SIPA1L2: variants seen among roughly 807,000 people sequenced by gnomAD.
SIPA1L2 encodes the protein signal induced proliferation associated 1 like 2.
A neutral mutation model predicts 163.9 loss-of-function variants in SIPA1L2; 56 were observed. That is an observed-to-expected ratio of 0.34 (90% CI 0.28 to 0.43). SIPA1L2 has a LOEUF of 0.43. Ranked by LOEUF, SIPA1L2 falls within the 20% of genes least tolerant of loss-of-function variation. The pLI is 1.00. For missense variants in SIPA1L2, 1,974 were observed against 2,193.5 expected (o/e 0.90, Z 2.00); for synonymous variants, 877 against 865.7 (o/e 1.01, Z -0.23).
chr1:232,566,005 G>C (rs1659381808), intron 2 of SIPA1L2, among the ~76,000 whole-genome samples: 1 of 152,200 alleles, frequency 6.6e-6, no homozygotes, highest in South Asian at 2.1e-4. Context: ...GCTCTTTCAA[G>C]TTGCCCTTAC....
chr1:232,467,525 C>G (rs1664587593), intron 8 of SIPA1L2, among the ~76,000 whole-genome samples: 1 of 152,178 alleles, frequency 6.6e-6, no homozygotes, highest in Non-Finnish European at 1.5e-5. Flanking sequence ...CCTGTTTGGA[C>G]TTGTGATTAG....
At chr1:232,402,337 A>G in intron 22 of SIPA1L2, 55 bp downstream of exon 22, 4 of 1,520,126 alleles carry the variant, frequency 2.6e-6, no homozygotes, top group Non-Finnish European at 2.7e-6. Context: ...TAGTAGTTAT[A>G]AGGGGCTGAT....
At position 232,513,839 on chromosome 1, in the gene SIPA1L2, C is replaced by T; in HGVS notation, c.1483+18G>A. 6.5e-7 allele frequency: 1 copy of T among 1,541,954 alleles called. No homozygotes were observed. The highest frequency in any genetic ancestry group is 8.7e-7 in the Non-Finnish European group (1 of 1,149,430). The stretch of plus-strand genomic sequence containing the variant: ...ACTACTCCCGAGACACATGCAAACG[C>T]CCATGGCTCTTCCTTACCTTTCCCA... On this transcript the variant is annotated intron_variant, in intron 3 of 22. Coordinates refer to ENST00000674635, the MANE Select transcript of SIPA1L2 (RefSeq NM_020808.5).
chr1:232,446,795 C>T (rs866452539), intron 10 of SIPA1L2, among the ~76,000 whole-genome samples: 11 of 152,266 alleles, frequency 7.2e-5, no homozygotes, highest in Non-Finnish European at 1.2e-4. Flanking sequence ...GTGCCTAGCA[C>T]TGGCTTGCCC....
At chr1:232,523,288 C>T (rs190252248) in intron 2 of SIPA1L2, among the ~76,000 whole-genome samples, 1 of 152,238 alleles carries the variant, frequency 6.6e-6, no homozygotes, top group East Asian at 1.9e-4. Context: ...AGAAGAACAG[C>T]TGTGAGTATT....
At chr1:232,538,886 G>C (rs1308413507) in intron 2 of SIPA1L2, among the ~76,000 whole-genome samples, 1 of 152,150 alleles carries the variant, frequency 6.6e-6, no homozygotes, top group African/African-American at 2.4e-5. Flanking sequence ...ATCTAAACCT[G>C]CAAGCGTATA....
intron 3 of SIPA1L2, among the ~76,000 whole-genome samples, chr1:232,494,061 T>C (rs1180693136): frequency 1.3e-5 from 2 of 152,218 alleles, no homozygotes; most frequent in African/African-American, 4.8e-5. Context: ...TTTTACCGAA[T>C]GAGGGCACCA....
chr1:232,490,963 C>G lies in SIPA1L2; in HGVS notation c.1717G>C (p.Val573Leu). 1 of 1,614,140 alleles carries G rather than the reference C, an allele frequency of 6.2e-7. No homozygotes were observed. Among genetic ancestry groups the G allele is most frequent in the Non-Finnish European group, 8.5e-7 (1 of 1,180,002 alleles). Residue 573 changes from valine (V) to leucine (L), a missense_variant, in exon 5 of 23, where the codon GTC (valine) becomes CTC (leucine). Val to Leu is a conservative substitution (Grantham distance 32, BLOSUM62 1). Around this residue, in one of 3 missense-constraint regions of SIPA1L2, gnomAD observed 288 missense variants for 418.9 expected, o/e 0.69. Coordinates refer to ENST00000674635, the MANE Select transcript of SIPA1L2 (RefSeq NM_020808.5). ...CACTGAATGCTCAGCTCTGGAATGA[C>G]GTATTCCAAAACTTCTTTGAGAGGT... Reference protein sequence around the residue: ...GLPLKEVLEYVIPELSIQCLR... With the variant: ...GLPLKEVLEYLIPELSIQCLR...
chr1:232,519,205 T>C (rs1480653092), intron 2 of SIPA1L2, among the ~76,000 whole-genome samples: 1 of 152,192 alleles, frequency 6.6e-6, no homozygotes, highest in Non-Finnish European at 1.5e-5. Flanking sequence ...CTTCTAATTG[T>C]ATACAAAGAA....
At chr1:232,424,318 C>G (rs1460715104) in intron 18 of SIPA1L2, among the ~76,000 whole-genome samples, 1 of 16,232 alleles carries the variant, frequency 6.2e-5, no homozygotes, top group African/African-American at 2.6e-4. Flanking sequence ...TTAAGTGAAG[C>G]TAACAAAAAA....
intron 2 of SIPA1L2, among the ~76,000 whole-genome samples, chr1:232,565,572 A>G (rs1371189230): frequency 1.3e-5 from 2 of 152,262 alleles, no homozygotes; most frequent in African/African-American, 4.8e-5. Flanking sequence ...TGCTGACAGC[A>G]AGACTTAGAA....
Position 232,581,622 on chromosome 1 carries a change from C to T in SIPA1L2, c.-318-7400G>A, listed in dbSNP as rs1408333309. On this transcript the variant is annotated intron_variant, in intron 1 of 22. Transcript: ENST00000674635. ...TGATAACCAACAGCTCACACAGACA[C>T]ATCTGTTCAAAACTATACTATGTGT... is the stretch of plus-strand genomic sequence containing the variant. Among the ~76,000 whole-genome samples, 3 of 152,306 alleles carry T rather than the reference C, an allele frequency of 2.0e-5. No homozygotes were observed. The East Asian group carries it at 5.8e-4, about 29-fold the overall frequency.
chr1:232,580,053 C>T (rs1423785599), intron 1 of SIPA1L2, among the ~76,000 whole-genome samples: 2 of 152,160 alleles, frequency 1.3e-5, no homozygotes, highest in South Asian at 2.1e-4. Flanking sequence ...GCATGGGCTG[C>T]TCAACTGAGT....
intron 22 of SIPA1L2, among the ~76,000 whole-genome samples, chr1:232,400,416 G>A (rs1269183303): frequency 6.6e-6 from 1 of 152,136 alleles, no homozygotes; most frequent in African/African-American, 2.4e-5. Flanking sequence ...AGTCTCTCCT[G>A]AAATTCCTTT....
chr1:232,477,855 C>T (rs534697315), intron 7 of SIPA1L2, among the ~76,000 whole-genome samples: 1 of 152,284 alleles, frequency 6.6e-6, no homozygotes, highest in South Asian at 2.1e-4. Flanking sequence ...AGGGCCAATT[C>T]AGCCTGAAGT....
intron 2 of SIPA1L2, among the ~76,000 whole-genome samples, chr1:232,542,864 C>G (rs1008257943): frequency 1.3e-5 from 2 of 152,328 alleles, no homozygotes; most frequent in East Asian, 3.9e-4. Context: ...ATACTCCTCT[C>G]TGTGTGTCTG....
At chr1:232,401,819 C>G (rs1660358383) in intron 22 of SIPA1L2, among the ~76,000 whole-genome samples, 1 of 152,228 alleles carries the variant, frequency 6.6e-6, no homozygotes, top group Non-Finnish European at 1.5e-5. Flanking sequence ...TCCTGTGATG[C>G]CCTCCCGCTT....
At chr1:232,502,260 C>T (rs1410364885) in intron 3 of SIPA1L2, among the ~76,000 whole-genome samples, 1 of 152,098 alleles carries the variant, frequency 6.6e-6, no homozygotes, top group Non-Finnish European at 1.5e-5. Flanking sequence ...TGACAGCAGG[C>T]ATGTTACTGG....
rs550467504 is a variant in SIPA1L2 at position 232,624,420 on chromosome 1, C to A, written c.-319+5449G>T. 3.3e-5 allele frequency among the ~76,000 whole-genome samples: 5 copies of A among 152,326 alleles called. No individual in the cohort carries two copies. The South Asian group carries it at 1.0e-3, about 32-fold the overall frequency. On this transcript the variant is annotated intron_variant, in intron 1 of 22. Coordinates refer to ENST00000674635, the MANE Select transcript of SIPA1L2 (RefSeq NM_020808.5). Reference sequence around the variant, plus strand: ...GGAACCAAATGTGTTATCAAAACCACCTCCAGAAGACAGTGAAAGTAGTTA... The same window carrying A: ...GGAACCAAATGTGTTATCAAAACCAACTCCAGAAGACAGTGAAAGTAGTTA...
Sources: allele counts gnomAD v4.1 joint callset (sites outside exome capture counted in the v4.1 genomes callset), GRCh38; gene constraint gnomAD v4.1.1; regional missense constraint gnomAD v4.1.1; transcripts MANE v1.5; gene names NCBI Gene and HGNC (gene_info 2026-07-23, HGNC 2026-07-21).